Variants in ZBTB7C observed in about 807,000 individuals in gnomAD.
ZBTB7C encodes zinc finger and BTB domain containing 7C, also known as zinc finger and BTB domain-containing protein 7C.
Under a neutral mutation model 25.7 loss-of-function variants are expected in ZBTB7C, and 8 were observed. The observed-to-expected ratio is 0.31, with a 90% CI of 0.18 to 0.56. The LOEUF (loss-of-function observed/expected upper bound fraction) is 0.56. Among genes scored for constraint, ZBTB7C ranks in the 20% least tolerant of loss-of-function variants. The pLI is 0.91. For missense variants in ZBTB7C, 824 were observed against 855.2 expected (o/e 0.96, Z 0.46); for synonymous variants, 394 against 369.0 (o/e 1.07, Z -0.78).
chr18:48,407,072 T>C (rs573088843), intron 1 of ZBTB7C, among the ~76,000 whole-genome samples: 1 of 152,378 alleles, frequency 6.6e-6, no homozygotes, highest in East Asian at 1.9e-4. Context: ...TGATGTTTAA[T>C]GGCTGTGTCA....
At chr18:48,317,964 G>GGACCCCAGCCTCCTTCCTC (rs55741817) in intron 2 of ZBTB7C, among the ~76,000 whole-genome samples, 20,815 of 152,002 alleles carry the variant, frequency 0.14, 1,689 homozygotes, top group Non-Finnish European at 0.2. Flanking sequence ...CTCTGCTGGA[G>GGACCCCAGCCTCCTTCCTC]GACCCCTGCC....
intron 2 of ZBTB7C, among the ~76,000 whole-genome samples, chr18:48,299,434 A>G (rs186329143): frequency 3.9e-5 from 6 of 152,348 alleles, no homozygotes; most frequent in African/African-American, 1.4e-4. Flanking sequence ...GAAAAGGTAT[A>G]TTCTTAGCCT....
chr18:48,316,730 T>C (rs964647710), intron 2 of ZBTB7C, among the ~76,000 whole-genome samples: 2 of 152,202 alleles, frequency 1.3e-5, no homozygotes. Flanking sequence ...CCTGGTGCCA[T>C]GCTTGCACAG....
chr18:48,199,951 T>A (rs2042399681), intron 2 of ZBTB7C, among the ~76,000 whole-genome samples: 1 of 152,074 alleles, frequency 6.6e-6, no homozygotes, highest in Admixed American at 6.6e-5. Context: ...GTGACACTTC[T>A]AGCACTTCTC....
Position 48,040,151 on chromosome 18 carries a change from C to T in ZBTB7C, c.957G>A (p.Gly319=). ...FFKDMFPDLP[G]GPLGPIKAEN... is the part of the protein sequence containing the mutation. The stretch of plus-strand genomic sequence containing the variant: ...CCGCCTTGATGGGTCCCAGAGGCCC[C>T]CCCGGCAGGTCAGGGAACATGTCCT... Residue 319 remains glycine, a synonymous_variant, in exon 4 of 5, where the codon GGG becomes GGA. Transcript: ENST00000590800. The T allele has an allele frequency of 6.3e-7, 1 of 1,579,966 alleles. No individual in the cohort carries two copies. Among genetic ancestry groups the T allele is most frequent in the Non-Finnish European group, 8.6e-7 (1 of 1,163,186 alleles).
chr18:48,045,548 A>G (rs1320927350), intron 3 of ZBTB7C, among the ~76,000 whole-genome samples: 1 of 152,022 alleles, frequency 6.6e-6, no homozygotes, highest in Non-Finnish European at 1.5e-5. Context: ...CCCTAAACAC[A>G]CACCCTGTTC....
intron 2 of ZBTB7C, among the ~76,000 whole-genome samples, chr18:48,259,297 A>C (rs1376325925): frequency 6.7e-6 from 1 of 150,042 alleles, no homozygotes; most frequent in Admixed American, 6.6e-5. Flanking sequence ...TCAATGGGAA[A>C]AGGATAGTCT....
chr18:48,137,501 T>G (rs1405496605), intron 3 of ZBTB7C: 1 of 195,232 alleles, frequency 5.1e-6, no homozygotes, highest in Non-Finnish European at 9.3e-6. Context: ...TATTGTTTTA[T>G]TCAATTCAGC....
intron 1 of ZBTB7C, among the ~76,000 whole-genome samples, chr18:48,391,088 G>A (rs1338378654): frequency 6.6e-6 from 1 of 152,222 alleles, no homozygotes; most frequent in Non-Finnish European, 1.5e-5. Context: ...ATAAAATGAA[G>A]TGAGTGAACT....
chr18:48,226,505 C>T (rs1394198983), intron 2 of ZBTB7C, among the ~76,000 whole-genome samples: 3 of 152,288 alleles, frequency 2.0e-5, no homozygotes, highest in East Asian at 1.9e-4. Flanking sequence ...AAGGCTAATT[C>T]CATCCTTCAA....
intron 1 of ZBTB7C, among the ~76,000 whole-genome samples, chr18:48,381,639 T>C (rs2047636102): frequency 1.3e-5 from 2 of 152,226 alleles, no homozygotes; most frequent in Admixed American, 6.5e-5. Context: ...AGGGAGGTAA[T>C]GGGCCAGTTA....
At chr18:48,399,124 G>A (rs1218717712) in intron 1 of ZBTB7C, among the ~76,000 whole-genome samples, 6 of 152,198 alleles carry the variant, frequency 3.9e-5, no homozygotes, top group Admixed American at 6.5e-5. Context: ...GATTCAATGC[G>A]TGAGATAAGC....
At chr18:48,195,399 G>A (rs754497940) in intron 2 of ZBTB7C, among the ~76,000 whole-genome samples, 1 of 152,220 alleles carries the variant, frequency 6.6e-6, no homozygotes, top group African/African-American at 2.4e-5. Flanking sequence ...TAGTGAATAC[G>A]TCTCATGAGA....
At chr18:48,165,197 C>A (rs1280160865) in intron 3 of ZBTB7C, 27 of 1,182,862 alleles carry the variant, frequency 2.3e-5, no homozygotes, top group Non-Finnish European at 3.0e-5. Flanking sequence ...TCCAAGGTCA[C>A]AAAGCAATTT....
In ZBTB7C at chr18:48,257,257, C is replaced by T. The variant is rs568531521; in HGVS notation, c.-78-71262G>A. Among the ~76,000 whole-genome samples, 3 of 152,036 alleles carry T rather than the reference C, an allele frequency of 2.0e-5. No homozygotes were observed. In the South Asian group the frequency reaches 6.2e-4, roughly 32 times the overall value. On this transcript the variant is annotated intron_variant, in intron 2 of 4. Coordinates refer to ENST00000590800, the MANE Select transcript of ZBTB7C (RefSeq NM_001318841.2). Reference sequence around the variant, plus strand: ...TATTACCAGGAATAAAGAGAAAATTCCATAATGATAAAAGGATCAATTCAT... The same window carrying T: ...TATTACCAGGAATAAAGAGAAAATTTCATAATGATAAAAGGATCAATTCAT...
chr18:48,146,999 G>A (rs1004624662), intron 3 of ZBTB7C, among the ~76,000 whole-genome samples: 13 of 152,208 alleles, frequency 8.5e-5, no homozygotes, highest in African/African-American at 3.1e-4. Context: ...AGATTACTTT[G>A]TCTTCAACAA....
intron 3 of ZBTB7C, among the ~76,000 whole-genome samples, chr18:48,140,549 A>G (rs1451173621): frequency 2.0e-5 from 3 of 152,156 alleles, no homozygotes; most frequent in African/African-American, 7.2e-5. Context: ...GGTTCATACA[A>G]TTGGTTCCCT....
intron 3 of ZBTB7C, among the ~76,000 whole-genome samples, chr18:48,138,984 T>TA (rs1459112684): frequency 2.6e-5 from 4 of 152,102 alleles, no homozygotes; most frequent in Non-Finnish European, 5.9e-5. Flanking sequence ...GTGGGGCAGA[T>TA]AAAGCACAGG....
intron 2 of ZBTB7C, among the ~76,000 whole-genome samples, chr18:48,325,769 A>G (rs1433180780): frequency 2.0e-5 from 3 of 152,188 alleles, no homozygotes; most frequent in African/African-American, 7.2e-5. Flanking sequence ...ATCTCAGGTC[A>G]TGTAGCTCAC....
Sources: gnomAD v4.1 joint callset for allele counts (sites outside exome capture counted in the v4.1 genomes callset) on GRCh38, gnomAD v4.1.1 for gene constraint, MANE v1.5 for transcripts, NCBI Gene and HGNC (gene_info 2026-07-23, HGNC 2026-07-21) for gene names.